MFN2: variants seen among roughly 807,000 people sequenced by gnomAD.
MFN2 encodes the protein mitofusin-2.
A neutral mutation model predicts 87.5 loss-of-function variants in MFN2; 43 were observed. The ratio of observed to expected loss-of-function variants is 0.49; its 90% CI spans 0.38 to 0.63. MFN2 has a LOEUF of 0.63. Among genes scored for constraint, MFN2 ranks in the 30% least tolerant of loss-of-function variants. The probability of loss-of-function intolerance (pLI) is 0.00; values close to 1 mark genes in which losing one functional copy is unlikely to be tolerated. For missense variants in MFN2, 743 were observed against 972.8 expected, an observed-to-expected ratio of 0.76 and a Z score of 3.14; for synonymous variants, 337 against 359.9, an observed-to-expected ratio of 0.94 and a Z score of 0.72.
rs879807865 is a variant in MFN2, at chr1:12,007,390, G to A, written c.2069+141G>A. Reference sequence around the variant, plus strand: ...AGACCCTGGGCCTTCAGGTGTGCAGGGCCAGCTTTGAGGCCAGTCATGGGG... The same window carrying A: ...AGACCCTGGGCCTTCAGGTGTGCAGAGCCAGCTTTGAGGCCAGTCATGGGG... On this transcript the variant is annotated intron_variant, in intron 17 of 18. Transcript: ENST00000235329. The A allele has an allele frequency of 1.5e-5, 16 of 1,093,356 alleles. No individual in the cohort carries two copies. The Admixed American group carries it at 2.8e-4, about 19-fold the overall frequency. The allele number at this position is 1,093,356 out of a possible 1,614,324, so 67.7% of individuals were successfully genotyped here. A position where few individuals can be genotyped will look rare whatever the true frequency, so the allele number is the denominator to read the frequency against.
At chr1:11,983,695 G>T (rs751641532) in intron 2 of MFN2, among the ~76,000 whole-genome samples, 8 of 152,164 alleles carry the variant, frequency 5.3e-5, no homozygotes, top group Non-Finnish European at 8.8e-5. Context: ...GGAGGAGTAG[G>T]GAGTCAGCAG....
intron 2 of MFN2, among the ~76,000 whole-genome samples, chr1:11,985,874 C>T (rs147943332): frequency 2.0e-5 from 3 of 152,304 alleles, no homozygotes; most frequent in East Asian, 1.9e-4. Context: ...CTCATTTCAG[C>T]GCACTCTCCT....
At chr1:12,001,135 T>G (rs1639151050) in intron 8 of MFN2, among the ~76,000 whole-genome samples, 1 of 152,146 alleles carries the variant, frequency 6.6e-6, no homozygotes, top group African/African-American at 2.4e-5. Flanking sequence ...CTCAGCCTCC[T>G]GAGTAGCTGG....
chr1:12,003,413 C>G lies in MFN2; in HGVS notation c.1161-579C>G, dbSNP rs1453368125. On this transcript the variant is annotated intron_variant, in intron 11 of 18. Transcript: ENST00000235329. This position sits in a 1 kb window ranked among gnomAD's most constrained non-coding sequence, Gnocchi z 4.1. ...GGCATGGTGGCTCACGCCTGTAATC[C>G]CAACACTTTGGGAGGCCAAGGCGGA... Among the ~76,000 whole-genome samples the G allele has an allele frequency of 6.6e-6, 1 of 152,170 alleles. No homozygotes were observed. Among genetic ancestry groups the G allele is most frequent in the African/African-American group, 2.4e-5 (1 of 41,446 alleles).
At chr1:11,994,463 G>T (rs567827817) in intron 4 of MFN2, among the ~76,000 whole-genome samples, 1 of 152,114 alleles carries the variant, frequency 6.6e-6, no homozygotes, top group Non-Finnish European at 1.5e-5. Flanking sequence ...GGTGGCGGGC[G>T]CCTGTAGTCC....
At position 12,001,795 on chromosome 1, in the gene MFN2, G is replaced by T; in HGVS notation, c.997G>T (p.Val333Leu). The T allele has an allele frequency of 6.2e-7, 1 of 1,614,216 alleles. No individual in the cohort carries two copies. Among genetic ancestry groups the T allele is most frequent in the Non-Finnish European group, 8.5e-7 (1 of 1,180,024 alleles). Reference protein sequence around the residue: ...GGGALAEGFQVRMFEFQNFER... With the variant: ...GGGALAEGFQLRMFEFQNFER... ...GGGCGCTCTCGCAGAAGGCTTTCAAGTGAGGATGTTTGAGTTTCAGAATTT... is the reference window on the plus strand; with the variant it reads ...GGGCGCTCTCGCAGAAGGCTTTCAATTGAGGATGTTTGAGTTTCAGAATTT... The change falls in exon 10 of 19, where the codon GTG becomes TTG. Residue 333 changes from valine (V) to leucine (L), a missense_variant. Coordinates refer to ENST00000235329, the MANE Select transcript of MFN2 (RefSeq NM_014874.4).
At chr1:12,009,560 C>T (rs773865890) in intron 17 of MFN2, 32 bp from the exon 18 acceptor site, 1 of 1,614,092 alleles carries the variant, frequency 6.2e-7, no homozygotes, top group Admixed American at 1.7e-5. Flanking sequence ...GCTCCACACA[C>T]CCCAACTGGG....
rs1433849760 is a variant in MFN2, at chr1:12,002,081, C to T, written c.1138C>T (p.His380Tyr). The T allele has an allele frequency of 1.2e-6, 2 of 1,614,240 alleles. No individual in the cohort carries two copies. The highest frequency in any genetic ancestry group is 3.3e-5 in the Admixed American group (2 of 60,024). ...EAVRLIMDSL[H>Y]MAAREQQVYC... is the part of the protein sequence containing the mutation. ...GGTTCGACTCATCATGGACTCCCTG[C>T]ACATGGCGGCTCGGGAGCAGCAGTA... The change falls in exon 11 of 19, where the codon CAC (histidine) becomes TAC (tyrosine). Residue 380 changes from histidine (H) to tyrosine (Y), a missense_variant. Physicochemically the swap from His to Tyr is moderately conservative, Grantham distance 83 (BLOSUM62 2). Coordinates refer to ENST00000235329, the MANE Select transcript of MFN2 (RefSeq NM_014874.4).
intron 17 of MFN2, 133 bp downstream of exon 17, chr1:12,007,382 G>A: frequency 8.7e-7 from 1 of 1,154,864 alleles, no homozygotes; most frequent in South Asian, 1.3e-5. Flanking sequence ...GGGCCTTCAG[G>A]TGTGCAGGGC....
At chr1:12,008,337 GC>G (rs1230578108) in intron 17 of MFN2, among the ~76,000 whole-genome samples, 2 of 151,566 alleles carry the variant, frequency 1.3e-5, no homozygotes, top group African/African-American at 4.9e-5. Flanking sequence ...GGGCAGAGGC[GC>G]CCCCCACCTC....
At chr1:12,002,378 C>A (rs1212397932) in intron 11 of MFN2, among the ~76,000 whole-genome samples, 2 of 152,284 alleles carry the variant, frequency 1.3e-5, no homozygotes, top group Non-Finnish European at 1.5e-5. Context: ...CAGCCATTCT[C>A]AGAGCCTGAA....
chr1:11,986,177 AAGT>A (rs1638397115), intron 2 of MFN2, among the ~76,000 whole-genome samples: 2 of 152,106 alleles, frequency 1.3e-5, no homozygotes, highest in African/African-American at 4.8e-5. Flanking sequence ...TAGTTACTAA[AAGT>A]CCGTTTTGGC....
rs1302919544 is a variant in MFN2 at position 12,006,586 on chromosome 1, C to T, written c.1765C>T (p.Leu589=). 1.2e-6 allele frequency: 2 copies of T among 1,614,150 alleles called. No individual in the cohort carries two copies. The highest frequency in any genetic ancestry group is 1.3e-5 in the African/African-American group (1 of 74,944). The part of the protein sequence containing the change: ...LTPANPSMPP[L]PQGSLTQEEF... ...GCCAGCCAACCCCAGCATGCCCCCA[C>T]TGCCACAGGGCTCGCTCACCCAGGA... is the stretch of plus-strand genomic sequence containing the variant. Residue 589 remains leucine, a synonymous_variant, in exon 16 of 19, where the codon CTG becomes TTG. Transcript: ENST00000235329.
chr1:11,995,439 T>C (rs1319517535), intron 4 of MFN2, among the ~76,000 whole-genome samples: 4 of 151,602 alleles, frequency 2.6e-5, no homozygotes, highest in Admixed American at 2.6e-4. Flanking sequence ...TCGCGACCAG[T>C]CTGGCCAACA....
Position 12,004,720 on chromosome 1 carries a change from GAC to G in MFN2, c.1393-103_1393-102del. 6.7e-7 allele frequency: 1 copy of G among 1,495,670 alleles called. No homozygotes were observed. The highest frequency in any genetic ancestry group is 9.3e-7 in the Non-Finnish European group (1 of 1,074,708). The allele number at this position is 1,495,670 out of a possible 1,614,324, so 92.6% of individuals were successfully genotyped here. On this transcript the variant is annotated intron_variant, in intron 13 of 18. Transcript: ENST00000235329. The surrounding 1 kb of genome is among the most constrained non-coding windows in gnomAD (Gnocchi z 4.2). ...CAGCAGTGACAGTAGAAGCCACAGA[GAC>G]AAGGCCCAGGCTTCCGTCAGCCTTC...
intron 1 of MFN2, among the ~76,000 whole-genome samples, chr1:11,980,709 C>T (rs184613790): frequency 8.5e-5 from 13 of 152,346 alleles, no homozygotes; most frequent in African/African-American, 3.1e-4. Flanking sequence ...TGTAGCTTCT[C>T]ATCGCCCCCG....
rs561579167 is a variant in MFN2 at position 12,013,390 on chromosome 1, C to G, written c.*1825C>G. On this transcript the variant is annotated 3_prime_UTR_variant, in exon 19 of 19. Transcript: ENST00000235329. ...GTTTTTATGTTCATTTGCTGGAGCGCAAGACGTGCTGACACAGTGAGTTTT... is the reference window on the plus strand; with the variant it reads ...GTTTTTATGTTCATTTGCTGGAGCGGAAGACGTGCTGACACAGTGAGTTTT... 1 of 471,376 alleles carries G rather than the reference C, an allele frequency of 2.1e-6. No homozygotes were observed. Among genetic ancestry groups the G allele is most frequent in the East Asian group, 7.0e-5 (1 of 14,374 alleles). 29.2% of individuals were successfully genotyped at this position (471,376 alleles called of 1,614,324 possible). A position where few individuals can be genotyped will look rare whatever the true frequency, so the allele number is the denominator to read the frequency against.
At chr1:12,006,918 A>T in intron 16 of MFN2, 135 bp from the exon 17 acceptor site, 2 of 1,321,036 alleles carry the variant, frequency 1.5e-6, no homozygotes, top group Non-Finnish European at 2.2e-6. Flanking sequence ...CAAAGGAGAC[A>T]TTGAAAGAGG....
intron 14 of MFN2, 106 bp downstream of exon 14, chr1:12,005,033 A>T: frequency 2.3e-6 from 2 of 881,930 alleles, no homozygotes; most frequent in Non-Finnish European, 3.7e-6. Flanking sequence ...GTCACTTTTC[A>T]TGATGATTCA....
Sources: allele counts gnomAD v4.1 joint callset (sites outside exome capture counted in the v4.1 genomes callset), GRCh38; gene constraint gnomAD v4.1.1; non-coding constraint Gnocchi (gnomAD v3.1); transcripts MANE v1.5; gene names NCBI Gene and HGNC (gene_info 2026-07-23, HGNC 2026-07-21).